The following NCKAP5 variants were observed in gnomAD, a reference collection of about 807,000 sequenced individuals.
NCKAP5 encodes the protein nck-associated protein 5.
A neutral mutation model predicts 167.0 loss-of-function variants in NCKAP5; 92 were observed. The observed-to-expected ratio is 0.55, with a 90% confidence interval of 0.47 to 0.66. The LOEUF (loss-of-function observed/expected upper bound fraction) is 0.66. NCKAP5 is among the 30% of genes least tolerant of loss of function. NCKAP5 has a pLI of 0.00. For missense variants in NCKAP5, 2,378 were observed against 2,315.0 expected (o/e 1.03, Z -0.56); for synonymous variants, 891 against 877.4 (o/e 1.02, Z -0.27).
the NCKAP5 span, among the ~76,000 whole-genome samples, chr2:133,585,396 T>G: frequency 6.6e-6 from 1 of 152,348 alleles, no homozygotes; most frequent in South Asian, 2.1e-4. Context: ...ATGACACAGA[T>G]CAAGGCCATG....
chr2:133,032,894 G>A (rs1011972864), intron 6 of NCKAP5, among the ~76,000 whole-genome samples: 6 of 152,134 alleles, frequency 3.9e-5, no homozygotes, highest in African/African-American at 1.2e-4. Flanking sequence ...CAGAGCAAGC[G>A]AAGGGGGAAG....
intron 4 of NCKAP5, among the ~76,000 whole-genome samples, chr2:133,300,647 C>T: frequency 8.1e-6 from 1 of 123,740 alleles, no homozygotes; most frequent in Non-Finnish European, 1.7e-5. Context: ...TAAGAGCTAT[C>T]TATGACAAAC....
intron 8 of NCKAP5, among the ~76,000 whole-genome samples, chr2:132,933,070 A>G (rs997497867): frequency 1.6e-4 from 25 of 151,988 alleles, no homozygotes; most frequent in South Asian, 1.0e-3. Flanking sequence ...GACTACAGGC[A>G]CCTGCCACCA....
intron 3 of NCKAP5, among the ~76,000 whole-genome samples, chr2:133,315,014 G>A (rs557262493): frequency 2.3e-4 from 35 of 152,316 alleles, no homozygotes; most frequent in Admixed American, 1.6e-3. Flanking sequence ...TGCAGAGATG[G>A]GGTGAGGGGA....
chr2:133,647,709 A>AGGAAGG, the NCKAP5 span, among the ~76,000 whole-genome samples: 13 of 24,854 alleles, frequency 5.2e-4, no homozygotes, highest in Middle Eastern at 0.02. Flanking sequence ...AAGGAAAGAA[A>AGGAAGG]AAGAAAGGAA....
At chr2:133,647,718 A>AAGGAAGGT in the NCKAP5 span, among the ~76,000 whole-genome samples, 1 of 134,242 alleles carries the variant, frequency 7.4e-6, no homozygotes, top group Non-Finnish European at 1.6e-5. Flanking sequence ...AAAAGAAAGG[A>AAGGAAGGT]AGGAAGGAAG....
chr2:133,459,694 A>G (rs1349485404), intron 3 of NCKAP5, among the ~76,000 whole-genome samples: 1 of 152,188 alleles, frequency 6.6e-6, no homozygotes, highest in Non-Finnish European at 1.5e-5. Context: ...ATAAAGGCCT[A>G]TTGAGGTATA....
chr2:133,055,704 G>C (rs553209671), intron 6 of NCKAP5, among the ~76,000 whole-genome samples: 1 of 152,134 alleles, frequency 6.6e-6, no homozygotes, highest in Non-Finnish European at 1.5e-5. Context: ...TGCATTATTT[G>C]ATCTATCTAC....
At chr2:132,934,003 C>A (rs1156233876) in intron 8 of NCKAP5, among the ~76,000 whole-genome samples, 1 of 152,196 alleles carries the variant, frequency 6.6e-6, no homozygotes, top group Non-Finnish European at 1.5e-5. Flanking sequence ...CAGTGGAGCC[C>A]AACCTCTTCT....
intron 9 of NCKAP5, among the ~76,000 whole-genome samples, chr2:132,877,661 T>C (rs1044095657): frequency 1.3e-5 from 2 of 152,178 alleles, no homozygotes; most frequent in East Asian, 3.9e-4. Context: ...AGAGAGAGAC[T>C]GCTTCCAGTT....
intron 19 of NCKAP5, among the ~76,000 whole-genome samples, chr2:132,691,350 G>A (rs567596290): frequency 6.6e-6 from 1 of 152,094 alleles, no homozygotes; most frequent in East Asian, 1.9e-4. Flanking sequence ...TGCTGACAAT[G>A]AATCCTAAAA....
At chr2:133,538,670 A>G (rs933577862) in intron 2 of NCKAP5, among the ~76,000 whole-genome samples, 1 of 152,148 alleles carries the variant, frequency 6.6e-6, no homozygotes, top group African/African-American at 2.4e-5. Context: ...TCAGGCACCA[A>G]AAGCTTTCCA....
At chr2:132,724,853 CA>C (rs1690290966) in intron 19 of NCKAP5, among the ~76,000 whole-genome samples, 1 of 151,954 alleles carries the variant, frequency 6.6e-6, no homozygotes, top group Non-Finnish European at 1.5e-5. Context: ...TGGAAATACA[CA>C]TGGCTACTAG....
chr2:132,995,974 C>CA (rs1033491186), intron 6 of NCKAP5, among the ~76,000 whole-genome samples: 3 of 150,028 alleles, frequency 2.0e-5, no homozygotes, highest in Non-Finnish European at 3.0e-5. Context: ...AACTCTGTCT[C>CA]AAAAAAAAAA....
At chr2:133,358,875 T>C (rs1684912010) in intron 3 of NCKAP5, among the ~76,000 whole-genome samples, 1 of 152,220 alleles carries the variant, frequency 6.6e-6, no homozygotes, top group African/African-American at 2.4e-5. Flanking sequence ...CTAATATTTA[T>C]AAGAAATAAT....
At chr2:132,976,563 CAA>C (rs1169178217) in intron 7 of NCKAP5, among the ~76,000 whole-genome samples, 14 of 51,800 alleles carry the variant, frequency 2.7e-4, no homozygotes, top group African/African-American at 5.2e-4. Flanking sequence ...GACTCCATCT[CAA>C]AAAAAAAAAA....
chr2:133,312,701 C>T (rs749441404), intron 3 of NCKAP5, among the ~76,000 whole-genome samples: 1 of 152,146 alleles, frequency 6.6e-6, no homozygotes, highest in Non-Finnish European at 1.5e-5. Context: ...CTCCCTTTGG[C>T]CTAAATAAGA....
At chr2:133,599,946 G>A in the NCKAP5 span, among the ~76,000 whole-genome samples, 2 of 152,248 alleles carry the variant, frequency 1.3e-5, no homozygotes, top group Admixed American at 1.3e-4. Context: ...CACACCCTGT[G>A]GTGGGGTGAG....
intron 6 of NCKAP5, among the ~76,000 whole-genome samples, chr2:133,023,910 C>G (rs1481597817): frequency 6.6e-6 from 1 of 152,110 alleles, no homozygotes; most frequent in East Asian, 1.9e-4. Context: ...TGAAAATCAT[C>G]TTATTTATAA....
Sources: allele counts gnomAD v4.1 joint callset (sites outside exome capture counted in the v4.1 genomes callset), GRCh38; gene constraint gnomAD v4.1.1; transcripts MANE v1.5; gene names NCBI Gene and HGNC (gene_info 2026-07-23, HGNC 2026-07-21).